Variants in NBEAL1 observed in about 807,000 individuals in gnomAD.
NBEAL1 encodes the protein neurobeachin-like protein 1.
Under a neutral mutation model 351.3 loss-of-function variants are expected in NBEAL1, and 273 were observed. That is an observed-to-expected ratio of 0.78 (90% CI 0.70 to 0.86). NBEAL1 has a LOEUF of 0.86. NBEAL1 is among the 40% of genes least tolerant of loss of function. NBEAL1 has a pLI of 0.00. For synonymous variants in NBEAL1, 1,050 were observed against 1,086.4 expected, an observed-to-expected ratio of 0.97 and a Z score of 0.66; for missense variants, 2,961 against 3,201.3, an observed-to-expected ratio of 0.92 and a Z score of 1.81.
intron 8 of NBEAL1, among the ~76,000 whole-genome samples, chr2:203,082,139 T>G (rs2061885144): frequency 6.6e-6 from 1 of 152,178 alleles, no homozygotes; most frequent in Non-Finnish European, 1.5e-5. Context: ...CTCCCTGTCT[T>G]TTGATCTCAT....
At chr2:203,093,905 T>A (rs2062122635) in intron 10 of NBEAL1, among the ~76,000 whole-genome samples, 1 of 152,072 alleles carries the variant, frequency 6.6e-6, no homozygotes, top group Non-Finnish European at 1.5e-5. Flanking sequence ...GGGCCTTCCC[T>A]GCTGGCCGTA....
Position 203,224,588 on chromosome 2 carries a change from CGTAATAACTAAAAATTCA to C in NBEAL1, c.*7236_*7253del, listed in dbSNP as rs1279911115. 2.0e-5 allele frequency among the ~76,000 whole-genome samples: 3 copies of C among 152,048 alleles called. No homozygotes were observed. Among genetic ancestry groups the C allele is most frequent in the Non-Finnish European group, 4.4e-5 (3 of 67,966 alleles). Reference sequence around the variant, plus strand: ...GTATATGCACATAGTCAATTCAGAGCGTAATAACTAAAAATTCAGAATGACTTGTTTTTTGAAAGTACT... The same window carrying C: ...GTATATGCACATAGTCAATTCAGAGCGAATGACTTGTTTTTTGAAAGTACT... On this transcript the variant is annotated 3_prime_UTR_variant, in exon 56 of 56. Transcript: ENST00000683969.
At position 203,077,819 on chromosome 2, in the gene NBEAL1, C is replaced by A; in HGVS notation, c.666C>A (p.Ala222=). The A allele has an allele frequency of 6.9e-7, 1 of 1,458,242 alleles. No homozygotes were observed. The highest frequency in any genetic ancestry group is 1.6e-5 in the South Asian group (1 of 62,174). The allele number at this position is 1,458,242 out of a possible 1,614,324, so 90.3% of individuals were successfully genotyped here. The part of the protein sequence containing the change: ...LKCCLLHLFG[A]IVAGGQRNAL... ...GTTGCTTATTGCATCTCTTTGGAGC[C>A]ATTGTAGCCGGTGGGCAGGTAAGGA... Residue 222 remains alanine, a synonymous_variant, in exon 8 of 56, where the codon GCC becomes GCA. Transcript: ENST00000683969.
chr2:203,143,346 C>T (rs1014170316), intron 31 of NBEAL1, among the ~76,000 whole-genome samples: 2 of 145,318 alleles, frequency 1.4e-5, no homozygotes, highest in Non-Finnish European at 1.5e-5. Flanking sequence ...AAGGGTAGTT[C>T]GGTTTCTGAT....
At chr2:203,213,767 A>C (rs2065851988) in intron 55 of NBEAL1, 114 bp downstream of exon 55, 1 of 1,536,922 alleles carries the variant, frequency 6.5e-7, no homozygotes, top group East Asian at 2.3e-5. Context: ...TAAAAGCCAA[A>C]TTTGATTTTT....
chr2:203,084,361 C>CA, intron 9 of NBEAL1, 102 bp from the exon 10 acceptor site: 1 of 526,996 alleles, frequency 1.9e-6, no homozygotes, highest in Non-Finnish European at 3.1e-6. Flanking sequence ...TACTGAACAT[C>CA]AAAGTTGTTT....
At chr2:203,115,811 G>C (rs1337736859) in intron 17 of NBEAL1, among the ~76,000 whole-genome samples, 174 bp from the exon 18 acceptor site, 2 of 152,116 alleles carry the variant, frequency 1.3e-5, no homozygotes, top group African/African-American at 4.8e-5. Context: ...CCCAATTTTT[G>C]TAGGTTTTAG....
intron 29 of NBEAL1, 71 bp from the exon 30 acceptor site, chr2:203,138,090 TG>T: frequency 1.4e-6 from 2 of 1,442,606 alleles, no homozygotes; most frequent in Non-Finnish European, 1.9e-6. Context: ...CAAGCTATTT[TG>T]TTTTGTTTTT....
intron 12 of NBEAL1, among the ~76,000 whole-genome samples, chr2:203,100,665 G>A (rs145003497): frequency 0.016 from 2,359 of 151,446 alleles, 65 homozygotes; most frequent in African/African-American, 0.055. Context: ...TCCTGCCTCA[G>A]CCTCCCAAGC....
At chr2:203,026,978 T>C (rs1056449089) in intron 2 of NBEAL1, among the ~76,000 whole-genome samples, 3 of 152,226 alleles carry the variant, frequency 2.0e-5, no homozygotes, top group African/African-American at 7.2e-5. Context: ...ACGTTCAGCC[T>C]GGCTGTTGAC....
intron 23 of NBEAL1, 99 bp downstream of exon 23, chr2:203,127,025 T>G: frequency 1.2e-6 from 1 of 809,618 alleles, no homozygotes; most frequent in Non-Finnish European, 1.9e-6. Flanking sequence ...CCAGCGATTC[T>G]AGTATGTTTT....
rs1406338135 is a variant in NBEAL1 at position 203,099,629 on chromosome 2, G to T, written c.1186G>T (p.Val396Leu). 6.5e-7 allele frequency: 1 copy of T among 1,537,576 alleles called. No individual in the cohort carries two copies. The highest frequency in any genetic ancestry group is 2.4e-5 in the East Asian group (1 of 40,976). The part of the protein sequence containing the change: ...KLLTEMNEDQ[V>L]FQGQLDCLAI... ...CTTGTTTCCCCTTCCCCCTCAATAG[G>T]TGTTTCAGGGACAATTGGATTGTTT... The change falls in exon 12 of 56, where the codon GTG becomes TTG. Residue 396 changes from valine to leucine, a missense_variant and splice_region_variant. By Grantham distance (32) the Val-to-Leu change is conservative. Transcript: ENST00000683969.
chr2:203,154,907 C>T (rs909474060), intron 35 of NBEAL1, among the ~76,000 whole-genome samples: 7 of 146,110 alleles, frequency 4.8e-5, no homozygotes, highest in Non-Finnish European at 1.0e-4. Context: ...TGCACTCCAG[C>T]CTGGGCAACA....
chr2:203,175,720 G>A (rs1291870843), intron 42 of NBEAL1, among the ~76,000 whole-genome samples: 4 of 152,174 alleles, frequency 2.6e-5, no homozygotes, highest in African/African-American at 9.7e-5. Context: ...TATTTACACT[G>A]TGGGTATTAT....
intron 7 of NBEAL1, among the ~76,000 whole-genome samples, chr2:203,076,090 A>AT (rs1382831866): frequency 2.0e-5 from 3 of 152,214 alleles, no homozygotes; most frequent in Admixed American, 6.5e-5. Flanking sequence ...ATAGCAGTTT[A>AT]TCAGTAGAGA....
At position 203,129,629 on chromosome 2, in the gene NBEAL1, T is replaced by C. The variant is rs2063026901; in HGVS notation, c.3406-689T>C. 2.6e-5 allele frequency among the ~76,000 whole-genome samples: 4 copies of C among 152,206 alleles called. No homozygotes were observed. The South Asian group carries it at 8.3e-4, about 31-fold the overall frequency. Reference sequence around the variant, plus strand: ...TTACATGTAATATAATGATGAATTATTATTCTTTTAAGCTAATGGGGCAGG... The same window carrying C: ...TTACATGTAATATAATGATGAATTACTATTCTTTTAAGCTAATGGGGCAGG... On this transcript the variant is annotated intron_variant, in intron 24 of 55. Coordinates refer to ENST00000683969, the MANE Select transcript of NBEAL1 (RefSeq NM_001378026.1).
At chr2:203,183,154 C>T in intron 43 of NBEAL1, 125 bp from the exon 44 acceptor site, 1 of 524,774 alleles carries the variant, frequency 1.9e-6, no homozygotes, top group South Asian at 3.5e-5. Context: ...GTATGTACTC[C>T]AATAGATAAG....
At chr2:203,189,110 C>T (rs564618101) in intron 45 of NBEAL1, among the ~76,000 whole-genome samples, 1 of 152,300 alleles carries the variant, frequency 6.6e-6, no homozygotes, top group East Asian at 1.9e-4. Context: ...CGGATCCATT[C>T]AGGTAATAGG....
At chr2:203,090,205 C>CT (rs895462992) in intron 10 of NBEAL1, among the ~76,000 whole-genome samples, 24 of 151,460 alleles carry the variant, frequency 1.6e-4, no homozygotes, top group South Asian at 6.3e-4. Flanking sequence ...TTAAAAAAAA[C>CT]TTTTTTTTTA....
Sources: gnomAD v4.1 joint callset for allele counts (sites outside exome capture counted in the v4.1 genomes callset) on GRCh38, gnomAD v4.1.1 for gene constraint, MANE v1.5 for transcripts, NCBI Gene and HGNC (gene_info 2026-07-23, HGNC 2026-07-21) for gene names.